Variants in NRXN2 observed in about 807,000 individuals in gnomAD.
The protein encoded by NRXN2 is neurexin-2-beta.
Under a neutral mutation model 128.8 loss-of-function variants are expected in NRXN2, and 29 were observed. The ratio of observed to expected loss-of-function variants is 0.23; its 90% confidence interval spans 0.17 to 0.31. The LOEUF (loss-of-function observed/expected upper bound fraction) is 0.31, where lower values mean the gene tolerates loss of function less well. NRXN2 is among the 10% of genes least tolerant of loss of function. The pLI, the probability that NRXN2 is intolerant of heterozygous loss-of-function variation, is 1.00. For synonymous variants in NRXN2, 1,098 were observed against 1,075.2 expected (o/e 1.02, Z -0.41); for missense variants, 1,881 against 2,452.6 (o/e 0.77, Z 4.92).
At chr11:64,662,440 T>C (rs2049166449) in intron 9 of NRXN2, among the ~76,000 whole-genome samples, 1 of 152,234 alleles carries the variant, frequency 6.6e-6, no homozygotes, top group Admixed American at 6.5e-5. Flanking sequence ...TCTACTTGTA[T>C]TTTTAAATTC....
intron 20 of NRXN2, among the ~76,000 whole-genome samples, chr11:64,625,215 G>T (rs549229205): frequency 6.6e-6 from 1 of 152,346 alleles, no homozygotes; most frequent in African/African-American, 2.4e-5. Context: ...TGCTCTTGGG[G>T]TCACAAGTTG....
At position 64,648,237 on chromosome 11, in the gene NRXN2, C is replaced by T. The variant is rs374236195; in HGVS notation, c.3385G>A (p.Gly1129Ser). Residue 1129 changes from glycine to serine, a missense_variant, in exon 17 of 23, where the codon GGC (glycine) becomes AGC (serine). Physicochemically the swap from Gly to Ser is moderately conservative, Grantham distance 56. Coordinates refer to ENST00000265459, the MANE Select transcript of NRXN2 (RefSeq NM_015080.4). This position sits in a 1 kb window ranked among gnomAD's most constrained non-coding sequence, Gnocchi z 4.1. Reference sequence around the variant, plus strand: ...CACTCACGATCATTGCAGACAGGGCCTCCATAGGAAGTCATGGTGCAGTCG... The same window carrying T: ...CACTCACGATCATTGCAGACAGGGCTTCCATAGGAAGTCATGGTGCAGTCG... ...TCDCTMTSYG[G>S]PVCNDPGTTY... The T allele has an allele frequency of 5.6e-6, 9 of 1,614,186 alleles. No homozygotes were observed. The highest frequency in any genetic ancestry group is 6.8e-6 in the Non-Finnish European group (8 of 1,180,036).
intron 14 of NRXN2, 39 bp from the exon 15 acceptor site, chr11:64,650,677 G>A (rs2047334062): frequency 1.3e-6 from 2 of 1,591,658 alleles, no homozygotes; most frequent in African/African-American, 1.3e-5. Flanking sequence ...GTCAGGGCGG[G>A]GGTGATGCTG....
At chr11:64,654,033 G>A (rs1345515812) in intron 11 of NRXN2, among the ~76,000 whole-genome samples, 2 of 152,170 alleles carry the variant, frequency 1.3e-5, no homozygotes, top group Non-Finnish European at 2.9e-5. Flanking sequence ...CGGGCACCTT[G>A]GGAATCCCAG....
At chr11:64,634,158 C>T (rs2044340584) in intron 18 of NRXN2, among the ~76,000 whole-genome samples, 1 of 152,204 alleles carries the variant, frequency 6.6e-6, no homozygotes, top group Admixed American at 6.5e-5. Flanking sequence ...AAGCCAGGGG[C>T]CCCTCACCCA....
Position 64,712,976 on chromosome 11 carries a change from T to A in NRXN2, c.724A>T (p.Ser242Cys). Residue 242 changes from serine (S) to cysteine (C), a missense_variant, in exon 2 of 23, where the codon AGC becomes TGC. Coordinates refer to ENST00000265459, the MANE Select transcript of NRXN2 (RefSeq NM_015080.4). ...SHTGFGGKFCSEEEHPMEGPA... is the reference protein window; with the variant it reads ...SHTGFGGKFCCEEEHPMEGPA... The stretch of plus-strand genomic sequence containing the variant: ...GCCGCTCCCCGGGGCTCACCTTCGC[T>A]GCAGAACTTGCCGCCGAAGCCCGTG... 1 of 1,501,088 alleles carries A rather than the reference T, an allele frequency of 6.7e-7. No homozygotes were observed. Among genetic ancestry groups the A allele is most frequent in the Admixed American group, 2.1e-5 (1 of 48,692 alleles). The allele number at this position is 1,501,088 out of a possible 1,614,324, so 93.0% of individuals were successfully genotyped here.
intron 7 of NRXN2, chr11:64,676,777 T>C: frequency 3.3e-6 from 2 of 606,106 alleles, no homozygotes; most frequent in Non-Finnish European, 5.9e-6. Flanking sequence ...TTTCCATTTG[T>C]CTTTTGTATT....
chr11:64,683,530 G>A (rs1289099171), intron 6 of NRXN2, among the ~76,000 whole-genome samples: 1 of 150,322 alleles, frequency 6.7e-6, no homozygotes, highest in East Asian at 2.0e-4. Flanking sequence ...TGAGGTAGGA[G>A]AATCACTATA....
intron 2 of NRXN2, among the ~76,000 whole-genome samples, chr11:64,701,225 G>C (rs1344064835): frequency 6.6e-6 from 1 of 152,166 alleles, no homozygotes; most frequent in Non-Finnish European, 1.5e-5. Context: ...ACTCTTCAAA[G>C]CTTTTCAGTG....
At position 64,648,906 on chromosome 11, in the gene NRXN2, C is replaced by T; in HGVS notation, c.3111G>A (p.Gly1037=). 6.2e-7 allele frequency: 1 copy of T among 1,614,158 alleles called. No individual in the cohort carries two copies. The highest frequency in any genetic ancestry group is 8.5e-7 in the Non-Finnish European group (1 of 1,180,004). The part of the protein sequence containing the change: ...SNGARNLDLK[G]ELYIGGLSKN... The stretch of plus-strand genomic sequence containing the variant: ...TGCTCAGACCGCCAATGTACAACTC[C>T]CCTGCAAAGGGAGTGGGTCAACCAA... Residue 1037 remains glycine (G), a splice_region_variant and synonymous_variant, in exon 16 of 23, where the codon GGG becomes GGA. Transcript: ENST00000265459. This position sits in a 1 kb window ranked among gnomAD's most constrained non-coding sequence, Gnocchi z 4.1.
intron 20 of NRXN2, among the ~76,000 whole-genome samples, chr11:64,624,410 G>A (rs2042814065): frequency 6.6e-6 from 1 of 152,174 alleles, no homozygotes; most frequent in Admixed American, 6.5e-5. Context: ...TGCCCACTCA[G>A]GCAAGGATAG....
chr11:64,650,390 G>A (rs1004243561), intron 15 of NRXN2, 58 bp downstream of exon 15: 298 of 1,575,696 alleles, frequency 1.9e-4, no homozygotes, highest in Middle Eastern at 5.1e-4. Context: ...GGGTGATCTC[G>A]CTGGGGTGAG....
chr11:64,648,130 C>G lies in NRXN2; in HGVS notation c.3403+89G>C. On this transcript the variant is annotated intron_variant, in intron 17 of 22. Transcript: ENST00000265459. The surrounding 1 kb of genome is among the most constrained non-coding windows in gnomAD (Gnocchi z 4.1). The stretch of plus-strand genomic sequence containing the variant: ...AGAAGCAGCACAGCTCCTGAATGCT[C>G]AGAGGCCCTGTTTCCTCCCTGGCAG... The G allele has an allele frequency of 6.4e-7, 1 of 1,573,398 alleles. No homozygotes were observed. Among genetic ancestry groups the G allele is most frequent in the South Asian group, 1.1e-5 (1 of 90,040 alleles).
At chr11:64,718,364 G>A (rs1345662244) in intron 1 of NRXN2, among the ~76,000 whole-genome samples, 9 of 152,208 alleles carry the variant, frequency 5.9e-5, no homozygotes, top group East Asian at 5.8e-4. Context: ...CTCTCCTCAC[G>A]CCAGCATCCT....
intron 6 of NRXN2, among the ~76,000 whole-genome samples, chr11:64,682,381 AGGGGACTCCATCCTT>A (rs927544399): frequency 2.9e-5 from 4 of 140,056 alleles, no homozygotes; most frequent in Admixed American, 7.0e-5. Flanking sequence ...CTGCATCTTT[AGGGGACTCCATCCTT>A]GGGGACTCCA....
intron 2 of NRXN2, among the ~76,000 whole-genome samples, chr11:64,704,251 C>G (rs576666373): frequency 6.6e-6 from 1 of 152,132 alleles, no homozygotes. Flanking sequence ...TATGTCTTGC[C>G]TAACATGTCA....
At position 64,651,427 on chromosome 11, in the gene NRXN2, C is replaced by T. The variant is rs778415234; in HGVS notation, c.2746G>A (p.Val916Met). 1.9e-5 allele frequency: 30 copies of T among 1,614,176 alleles called. No individual in the cohort carries two copies. Among genetic ancestry groups the T allele is most frequent in the Non-Finnish European group, 2.3e-5 (27 of 1,180,020 alleles). Residue 916 changes from valine (V) to methionine (M), a missense_variant, in exon 14 of 23, where the codon GTG (valine) becomes ATG (methionine). Physicochemically the swap from Val to Met is conservative, Grantham distance 21. Transcript: ENST00000265459. This position sits in a 1 kb window ranked among gnomAD's most constrained non-coding sequence, Gnocchi z 5.9. ...CTCTTGAAGGTGACGGGATCGGCCACGATGGCACGCAGGCCAAAGCGAGCA... is the reference window on the plus strand; with the variant it reads ...CTCTTGAAGGTGACGGGATCGGCCATGATGGCACGCAGGCCAAAGCGAGCA... ...LNARFGLRAI[V>M]ADPVTFKSRS... is the part of the protein sequence containing the mutation.
chr11:64,669,927 C>T (rs1016698080), intron 7 of NRXN2, among the ~76,000 whole-genome samples: 5 of 152,134 alleles, frequency 3.3e-5, no homozygotes, highest in African/African-American at 9.7e-5. Flanking sequence ...AGATTGGGGC[C>T]TTCCAGTCAC....
intron 1 of NRXN2, among the ~76,000 whole-genome samples, chr11:64,715,764 G>A (rs2057287020): frequency 6.6e-6 from 1 of 152,186 alleles, no homozygotes; most frequent in Admixed American, 6.5e-5. Flanking sequence ...GCAGTGGGGA[G>A]GAGATCCAGG....
Sources: gnomAD v4.1 joint callset for allele counts (sites outside exome capture counted in the v4.1 genomes callset) on GRCh38, gnomAD v4.1.1 for gene constraint, Gnocchi (gnomAD v3.1) non-coding constraint, MANE v1.5 for transcripts, NCBI Gene and HGNC (gene_info 2026-07-23, HGNC 2026-07-21) for gene names.